Variants in NHSL1 observed in about 807,000 individuals in gnomAD.
NHSL1 encodes NHS like 1, also known as NHS-like protein 1.
A neutral mutation model predicts 95.0 loss-of-function variants in NHSL1; 48 were observed. That is an observed-to-expected ratio of 0.51 (90% CI 0.40 to 0.64). The LOEUF (loss-of-function observed/expected upper bound fraction) is 0.64, where lower values mean the gene tolerates loss of function less well. Among genes scored for constraint, NHSL1 ranks in the 30% least tolerant of loss-of-function variants. NHSL1 has a pLI of 0.00. For missense variants in NHSL1, 1,971 were observed against 2,077.7 expected, an observed-to-expected ratio of 0.95 and a Z score of 1.00; for synonymous variants, 783 against 833.9, an observed-to-expected ratio of 0.94 and a Z score of 1.05.
At chr6:138,476,050 T>C (rs1339259349) in intron 2 of NHSL1, among the ~76,000 whole-genome samples, 1 of 152,222 alleles carries the variant, frequency 6.6e-6, no homozygotes, top group Non-Finnish European at 1.5e-5. Context: ...TTGGTGGGAA[T>C]GTATATTAGT....
chr6:138,546,931 C>A (rs1300683421), upstream of NHSL1, among the ~76,000 whole-genome samples: 1 of 152,194 alleles, frequency 6.6e-6, no homozygotes, highest in African/African-American at 2.4e-5. Flanking sequence ...GAGCACCCTG[C>A]TTGAAAAGTA....
intron 1 of NHSL1, among the ~76,000 whole-genome samples, chr6:138,664,680 A>G (rs973490424): frequency 1.3e-5 from 2 of 152,290 alleles, no homozygotes; most frequent in African/African-American, 4.8e-5. Flanking sequence ...ATAGGCAAAC[A>G]TACAGACCAA....
At chr6:138,495,755 A>G (rs536912842) in intron 2 of NHSL1, among the ~76,000 whole-genome samples, 8 of 152,352 alleles carry the variant, frequency 5.3e-5, no homozygotes, top group African/African-American at 1.9e-4. Flanking sequence ...AGACTGGGAA[A>G]TTTATAAAGA....
chr6:138,496,417 C>T (rs1401385367), intron 1 of NHSL1, 46 bp from the exon 2 acceptor site: 3 of 1,536,592 alleles, frequency 2.0e-6, no homozygotes, highest in African/African-American at 2.8e-5. Context: ...ACTTCATTGG[C>T]TACGAGTTCA....
intron 2 of NHSL1, among the ~76,000 whole-genome samples, chr6:138,490,516 G>A (rs1366168783): frequency 6.6e-6 from 1 of 152,206 alleles, no homozygotes. Context: ...AAGGGAGCTA[G>A]GAGGCTTCAT....
chr6:138,490,447 A>G (rs1780005915), intron 2 of NHSL1, among the ~76,000 whole-genome samples: 1 of 152,138 alleles, frequency 6.6e-6, no homozygotes, highest in Non-Finnish European at 1.5e-5. Context: ...AAGCACCCTC[A>G]TCAAATTCAG....
rs1776990963 is a variant in NHSL1 at position 138,448,259 on chromosome 6, C to T, written c.340-1066G>A. ...AGCTGGTTCTGTGACTAAGATGCTC[C>T]AAGAAGGCCAAATGAGTGCAGGGTG... On this transcript the variant is annotated intron_variant, in intron 3 of 7. Transcript: ENST00000343505. 2.0e-5 allele frequency among the ~76,000 whole-genome samples: 3 copies of T among 152,100 alleles called. No homozygotes were observed. In the South Asian group the frequency reaches 6.2e-4, roughly 32 times the overall value.
chr6:138,461,684 A>T (rs1007060638), intron 3 of NHSL1, among the ~76,000 whole-genome samples: 2 of 152,184 alleles, frequency 1.3e-5, no homozygotes, highest in African/African-American at 4.8e-5. Context: ...AGAGATTGTG[A>T]AGAAAGGAAG....
intron 3 of NHSL1, among the ~76,000 whole-genome samples, chr6:138,456,520 T>C (rs570662004): frequency 4.0e-4 from 61 of 152,364 alleles, no homozygotes; most frequent in African/African-American, 1.4e-3. Context: ...AACTGTTTAC[T>C]GCCAAAAATC....
At chr6:138,527,057 C>T (rs1562349765) in intron 1 of NHSL1, among the ~76,000 whole-genome samples, 1 of 152,174 alleles carries the variant, frequency 6.6e-6, no homozygotes. Context: ...TTTGTCTTTG[C>T]TTTGGGGCGT....
intron 1 of NHSL1, among the ~76,000 whole-genome samples, chr6:138,639,442 T>C (rs1305964474): frequency 1.3e-5 from 2 of 151,622 alleles, no homozygotes; most frequent in Non-Finnish European, 2.9e-5. Context: ...ATCGAGACCA[T>C]CCTGGCTAGC....
chr6:138,431,281 G>A lies in NHSL1; in HGVS notation c.3064C>T (p.Pro1022Ser). Residue 1022 changes from proline to serine, a missense_variant, in exon 6 of 8, where the codon CCT (proline) becomes TCT (serine). Physicochemically the swap from Pro to Ser is moderately conservative, Grantham distance 74. This residue lies in a region of NHSL1 where 1,602 missense variants were observed against 1,654.5 expected (regional missense o/e 0.97). Transcript: ENST00000343505. This position sits in a 1 kb window ranked among gnomAD's most constrained non-coding sequence, Gnocchi z 4.0. ...PPLLPSSEPP[P>S]APPLDPKFMK... ...AATTTGGGGTCAAGAGGTGGGGCAG[G>A]TGGGGGTTCCGAGGAAGGTAAGAGA... is the stretch of plus-strand genomic sequence containing the variant. 2.7e-6 allele frequency: 4 copies of A among 1,502,888 alleles called. No homozygotes were observed. Among genetic ancestry groups the A allele is most frequent in the Non-Finnish European group, 3.6e-6 (4 of 1,122,156 alleles). The allele number at this position is 1,502,888 out of a possible 1,614,324, so 93.1% of individuals were successfully genotyped here.
intron 1 of NHSL1, among the ~76,000 whole-genome samples, chr6:138,633,520 A>C (rs2114665170): frequency 6.6e-6 from 1 of 152,276 alleles, no homozygotes; most frequent in East Asian, 1.9e-4. Flanking sequence ...ACCAGGAGAG[A>C]GTGGCATGAC....
intron 3 of NHSL1, among the ~76,000 whole-genome samples, chr6:138,468,128 T>C (rs1778510906): frequency 6.6e-6 from 1 of 152,194 alleles, no homozygotes; most frequent in South Asian, 2.1e-4. Context: ...AATAATGCCC[T>C]AGGCCTTCAC....
intron 3 of NHSL1, among the ~76,000 whole-genome samples, chr6:138,450,350 T>C (rs533118627): frequency 6.6e-6 from 1 of 152,310 alleles, no homozygotes; most frequent in Non-Finnish European, 1.5e-5. Flanking sequence ...TCAGGCAACC[T>C]TGAATTACAG....
intron 2 of NHSL1, among the ~76,000 whole-genome samples, chr6:138,478,519 T>C (rs575167587): frequency 6.6e-6 from 1 of 152,278 alleles, no homozygotes; most frequent in South Asian, 2.1e-4. Context: ...TCTAAAACCA[T>C]GGTTTTGTTC....
intron 1 of NHSL1, among the ~76,000 whole-genome samples, chr6:138,677,715 T>G (rs750502875): frequency 1.3e-5 from 2 of 152,284 alleles, no homozygotes; most frequent in African/African-American, 2.4e-5. Context: ...CCTGGGCCAG[T>G]GGATACTGCA....
At chr6:138,611,825 T>G in intron 1 of NHSL1, among the ~76,000 whole-genome samples, 1 of 151,638 alleles carries the variant, frequency 6.6e-6, no homozygotes, top group Non-Finnish European at 1.5e-5. Flanking sequence ...AAAAATATGT[T>G]GAGGCCAAGC....
At chr6:138,614,870 A>G (rs1287266763) in intron 1 of NHSL1, among the ~76,000 whole-genome samples, 1 of 152,172 alleles carries the variant, frequency 6.6e-6, no homozygotes, top group Admixed American at 6.5e-5. Context: ...TGAGAATCTA[A>G]TGCCTGATGA....
Sources: gnomAD v4.1 joint callset for allele counts (sites outside exome capture counted in the v4.1 genomes callset) on GRCh38, gnomAD v4.1.1 for gene constraint, gnomAD v4.1.1 regional missense constraint, Gnocchi (gnomAD v3.1) non-coding constraint, MANE v1.5 for transcripts, NCBI Gene and HGNC (gene_info 2026-07-23, HGNC 2026-07-21) for gene names.